Variants in IQGAP3 observed in about 807,000 individuals in gnomAD.
IQGAP3 encodes ras GTPase-activating-like protein IQGAP3.
Under a neutral mutation model 208.2 loss-of-function variants are expected in IQGAP3, and 165 were observed. The ratio of observed to expected loss-of-function variants is 0.79; its 90% CI spans 0.70 to 0.90. The LOEUF (loss-of-function observed/expected upper bound fraction) is 0.90. Ranked by LOEUF, IQGAP3 falls within the 40% of genes least tolerant of loss-of-function variation. The probability of loss-of-function intolerance (pLI) is 0.00; values close to 1 mark genes in which losing one functional copy is unlikely to be tolerated. For missense variants in IQGAP3, 1,811 were observed against 2,043.1 expected (o/e 0.89, Z 2.19); for synonymous variants, 703 against 803.6 (o/e 0.87, Z 2.12).
intron 3 of IQGAP3, 128 bp from the exon 4 acceptor site, chr1:156,566,232 A>AT (rs1306715820): frequency 8.3e-7 from 1 of 1,210,970 alleles, no homozygotes; most frequent in Non-Finnish European, 1.2e-6. Flanking sequence ...CATCCTGTGG[A>AT]TTTTCCATCC....
intron 4 of IQGAP3, among the ~76,000 whole-genome samples, chr1:156,564,995 A>G (rs993313239): frequency 6.6e-6 from 1 of 152,166 alleles, no homozygotes; most frequent in African/African-American, 2.4e-5. Flanking sequence ...TCCAAAAACA[A>G]TAACAGCAAC....
rs1448115990 is a variant in IQGAP3, at chr1:156,534,587, G to C, written c.3654C>G (p.His1218Gln). 1 of 1,612,470 alleles carries C rather than the reference G, an allele frequency of 6.2e-7. No individual in the cohort carries two copies. Among genetic ancestry groups the C allele is most frequent in the African/African-American group, 1.3e-5 (1 of 74,860 alleles). ...CAGAGAAGGCCTTGCCAGCCGCAGCGTGCTGTAGGAGCTGAGCCACAGCCC... is the reference window on the plus strand; with the variant it reads ...CAGAGAAGGCCTTGCCAGCCGCAGCCTGCTGTAGGAGCTGAGCCACAGCCC... ...ALGAVAQLLQ[H>Q]AAAGKAFSGQ... The change falls in exon 29 of 38, where the codon CAC becomes CAG. Residue 1218 changes from histidine (H) to glutamine (Q), a missense_variant. Transcript: ENST00000361170.
rs145437783 is a variant in IQGAP3 at position 156,556,658 on chromosome 1, G to A, written c.1165C>T (p.Arg389Trp). 5.7e-5 allele frequency: 92 copies of A among 1,603,874 alleles called. 1 individual carries two copies. In the Middle Eastern group the frequency reaches 6.9e-4, roughly 12 times the overall value. Residue 389 changes from arginine to tryptophan, a missense_variant, in exon 12 of 38, where the codon CGG becomes TGG. Physicochemically the swap from Arg to Trp is moderately radical, Grantham distance 101. Transcript: ENST00000361170. ...ACAGTGTCAGCCGCCACTCTCCTCC[G>A]GATGGCTTTGTTGATCCGCTGCACA... ...HAVQRINKAI[R>W]RRVAADTVKE...
intron 34 of IQGAP3, 45 bp from the exon 35 acceptor site, chr1:156,529,127 A>C (rs997930819): frequency 6.2e-7 from 1 of 1,604,152 alleles, no homozygotes; most frequent in East Asian, 2.2e-5. Context: ...CCTTCCTGGC[A>C]GGAGAGCCTT....
rs1240065885 is a variant in IQGAP3, at chr1:156,528,946, G to A, written c.4541C>T (p.Ala1514Val). 3 of 1,614,206 alleles carry A rather than the reference G, an allele frequency of 1.9e-6. No individual in the cohort carries two copies. The highest frequency in any genetic ancestry group is 1.7e-6 in the Non-Finnish European group (2 of 1,180,030). Residue 1514 changes from alanine (A) to valine (V), a missense_variant, in exon 35 of 38, where the codon GCC (alanine) becomes GTC (valine). By Grantham distance (64) the Ala-to-Val change is moderately conservative. Coordinates refer to ENST00000361170, the MANE Select transcript of IQGAP3 (RefSeq NM_178229.5). ...QGDYYSQYIR[A>V]CLDHLAPDSK... is the part of the protein sequence containing the mutation. ...GTCGGGGGCCAGGTGGTCCAGGCAG[G>A]CCCGGATGTACTGGCTGTAGTAGTC... is the stretch of plus-strand genomic sequence containing the variant.
chr1:156,539,154 T>A, intron 25 of IQGAP3, 121 bp from the exon 26 acceptor site: 1 of 897,146 alleles, frequency 1.1e-6, no homozygotes, highest in Non-Finnish European at 1.8e-6. Context: ...TTAAGGAATG[T>A]CTTGATATCT....
At chr1:156,563,403 T>C (rs1183656006) in intron 7 of IQGAP3, 91 bp from the exon 8 acceptor site, 2 of 1,426,132 alleles carry the variant, frequency 1.4e-6, no homozygotes, top group Non-Finnish European at 1.9e-6. Context: ...TGTCATCCTT[T>C]TTCCCACCCT....
intron 27 of IQGAP3, 149 bp downstream of exon 27, chr1:156,537,032 C>A (rs572855245): frequency 3.8e-6 from 3 of 794,906 alleles, no homozygotes; most frequent in Non-Finnish European, 5.9e-6. Flanking sequence ...GCATTCCCCA[C>A]ATCTCTTCAG....
chr1:156,571,869 GTC>G (rs774173771), intron 1 of IQGAP3, among the ~76,000 whole-genome samples: 9 of 152,116 alleles, frequency 5.9e-5, no homozygotes, highest in African/African-American at 1.7e-4. Context: ...TCCAGCTCCA[GTC>G]TCTCTCTCTA....
intron 24 of IQGAP3, 75 bp downstream of exon 24, chr1:156,539,763 A>G: frequency 6.5e-7 from 1 of 1,540,104 alleles, no homozygotes; most frequent in East Asian, 2.2e-5. Context: ...TGCCAAACGC[A>G]CAGACAAGAA....
chr1:156,540,720 C>A lies in IQGAP3; in HGVS notation c.2727G>T (p.Arg909=), dbSNP rs1322879743. 1.9e-6 allele frequency: 3 copies of A among 1,613,942 alleles called. No individual in the cohort carries two copies. Among genetic ancestry groups the A allele is most frequent in the East Asian group, 4.5e-5 (2 of 44,874 alleles). Residue 909 remains arginine, a synonymous_variant, in exon 23 of 38, where the codon CGG becomes CGT. Coordinates refer to ENST00000361170, the MANE Select transcript of IQGAP3 (RefSeq NM_178229.5). ...GTGGGCCCCATACCTGCAGAGTGATCCGGTTCTTCACCAGCAGGCCAATCT... is the reference window on the plus strand; with the variant it reads ...GTGGGCCCCATACCTGCAGAGTGATACGGTTCTTCACCAGCAGGCCAATCT... The part of the protein sequence containing the change: ...DIKIGLLVKN[R]ITLQEVVSHC...
chr1:156,535,113 A>G (rs767122919), intron 28 of IQGAP3, 50 bp downstream of exon 28: 1 of 1,347,010 alleles, frequency 7.4e-7, no homozygotes, highest in Non-Finnish European at 1.1e-6. Context: ...TGCAGGTACC[A>G]GCAAAGCAAA....
In IQGAP3 at chr1:156,528,492, C is replaced by A. The variant is rs1487870383; in HGVS notation, c.4673+17G>T. The A allele has an allele frequency of 6.3e-7, 1 of 1,591,510 alleles. No individual in the cohort carries two copies. Among genetic ancestry groups the A allele is most frequent in the East Asian group, 2.2e-5 (1 of 44,802 alleles). ...GGACAGGAAGGGGCTGACATCCTGCCCTCCAAAGACACATACTGAGAGGCG... is the reference window on the plus strand; with the variant it reads ...GGACAGGAAGGGGCTGACATCCTGCACTCCAAAGACACATACTGAGAGGCG... On this transcript the variant is annotated intron_variant, in intron 36 of 37. Coordinates refer to ENST00000361170, the MANE Select transcript of IQGAP3 (RefSeq NM_178229.5).
At position 156,572,469 on chromosome 1, in the gene IQGAP3, T is replaced by C. The variant is rs369742573; in HGVS notation, c.37+24A>G. 13 of 1,607,718 alleles carry C rather than the reference T, an allele frequency of 8.1e-6. No individual in the cohort carries two copies. The African/African-American group carries it at 1.5e-4, about 18-fold the overall frequency. ...GACCAGCGGCACCACTGCGAGACCCTTCTCTGACCCTCTCCGCACTCACAG... is the reference window on the plus strand; with the variant it reads ...GACCAGCGGCACCACTGCGAGACCCCTCTCTGACCCTCTCCGCACTCACAG... On this transcript the variant is annotated intron_variant, in intron 1 of 37. Coordinates refer to ENST00000361170, the MANE Select transcript of IQGAP3 (RefSeq NM_178229.5).
chr1:156,562,559 CAAA>C, intron 9 of IQGAP3, 25 bp downstream of exon 9: 2 of 1,602,826 alleles, frequency 1.2e-6, no homozygotes, highest in Non-Finnish European at 1.7e-6. Context: ...AGGTCACCCC[CAAA>C]CCACTCCTGC....
intron 4 of IQGAP3, among the ~76,000 whole-genome samples, chr1:156,565,136 C>T (rs1676345349): frequency 6.6e-6 from 1 of 152,150 alleles, no homozygotes; most frequent in South Asian, 2.1e-4. Flanking sequence ...CCCAATGAAG[C>T]ATATATTGCC....
chr1:156,534,835 C>A lies in IQGAP3; in HGVS notation c.3508-102G>T, dbSNP rs572490845. 342 of 868,604 alleles carry A rather than the reference C, an allele frequency of 3.9e-4. 4 individuals carry two copies. The South Asian group carries it at 6.1e-3, about 16-fold the overall frequency. 53.8% of individuals were successfully genotyped at this position (868,604 alleles called of 1,614,324 possible). On this transcript the variant is annotated intron_variant, in intron 28 of 37. Coordinates refer to ENST00000361170, the MANE Select transcript of IQGAP3 (RefSeq NM_178229.5). ...TGGCTGGAAGGGACACCTGGGCCAA[C>A]CCCCTCACTTCAAAGAAAACAGGCC... is the stretch of plus-strand genomic sequence containing the variant.
In IQGAP3 at chr1:156,538,867, G is replaced by C. The variant is rs1008538300; in HGVS notation, c.3223C>G (p.Pro1075Ala). Residue 1075 changes from proline to alanine, a missense_variant, in exon 26 of 38, where the codon CCT becomes GCT. Physicochemically the swap from Pro to Ala is conservative, Grantham distance 27. Transcript: ENST00000361170. ...EDKVLSVHTD[P>A]VHLYKNWINQ... ...ATCCAGTTCTTATAGAGGTGGACAG[G>C]GTCTGTGTGGACGCTGAGCACTTTG... 6.2e-7 allele frequency: 1 copy of C among 1,614,030 alleles called. No individual in the cohort carries two copies. The highest frequency in any genetic ancestry group is 1.3e-5 in the African/African-American group (1 of 74,902).
In IQGAP3 at chr1:156,525,929, A is replaced by G. The variant is rs143962856; in HGVS notation, c.*557T>C. ...CGCCATGGGGGGCAACAGTGCCACA[A>G]TGCCACATGGGCACTAACACACACT... On this transcript the variant is annotated 3_prime_UTR_variant, in exon 38 of 38. Coordinates refer to ENST00000361170, the MANE Select transcript of IQGAP3 (RefSeq NM_178229.5). 2.6e-5 allele frequency: 4 copies of G among 154,942 alleles called. No individual in the cohort carries two copies. The highest frequency in any genetic ancestry group is 2.0e-4 in the South Asian group (1 of 4,960). 9.6% of individuals were successfully genotyped at this position (154,942 alleles called of 1,614,324 possible). A position where few individuals can be genotyped will look rare whatever the true frequency, so the allele number is the denominator to read the frequency against.
Sources: gnomAD v4.1 joint callset for allele counts (sites outside exome capture counted in the v4.1 genomes callset) on GRCh38, gnomAD v4.1.1 for gene constraint, MANE v1.5 for transcripts, NCBI Gene and HGNC (gene_info 2026-07-23, HGNC 2026-07-21) for gene names.